EVL: variants seen among roughly 807,000 people sequenced by gnomAD.
The protein encoded by EVL is ena/VASP-like protein.
In EVL, 21 loss-of-function variants were observed where a neutral mutation model predicts 59.6. The observed-to-expected ratio is 0.35, with a 90% confidence interval of 0.25 to 0.51. EVL has a LOEUF of 0.51. Ranked by LOEUF, EVL falls within the 20% of genes least tolerant of loss-of-function variation. The pLI is 0.97. For synonymous variants in EVL, 198 were observed against 203.5 expected, an observed-to-expected ratio of 0.97 and a Z score of 0.23; for missense variants, 462 against 546.6, an observed-to-expected ratio of 0.85 and a Z score of 1.54.
At chr14:100,009,759 T>C (rs573838524) in intron 1 of EVL, among the ~76,000 whole-genome samples, 1 of 152,320 alleles carries the variant, frequency 6.6e-6, no homozygotes, top group Admixed American at 6.5e-5. Flanking sequence ...ACGGTACAGC[T>C]TAGTTTTATA....
intron 1 of EVL, among the ~76,000 whole-genome samples, chr14:100,034,741 A>T (rs1463449805): frequency 6.8e-6 from 1 of 146,020 alleles, no homozygotes; most frequent in Non-Finnish European, 1.5e-5. Context: ...CCAACTCTTT[A>T]AAAAAAAAAT....
At chr14:100,140,999 C>G in intron 11 of EVL, 181 bp from the exon 12 acceptor site, 1 of 566,148 alleles carries the variant, frequency 1.8e-6, no homozygotes, top group Non-Finnish European at 3.1e-6. Flanking sequence ...ATGGAGACCT[C>G]TTGAGGTGGA....
chr14:100,070,178 G>T (rs2062020429), intron 1 of EVL, among the ~76,000 whole-genome samples: 1 of 152,160 alleles, frequency 6.6e-6, no homozygotes, highest in Non-Finnish European at 1.5e-5. Context: ...TGAGGTGGGA[G>T]GATTGCTTGA....
intron 11 of EVL, 111 bp from the exon 12 acceptor site, chr14:100,141,069 T>A: frequency 9.9e-7 from 1 of 1,012,066 alleles, no homozygotes; most frequent in East Asian, 2.7e-5. Flanking sequence ...GCAAGCAGCC[T>A]CTATGGAGCG....
At chr14:100,079,786 G>A (rs2062252389) in intron 1 of EVL, among the ~76,000 whole-genome samples, 1 of 152,164 alleles carries the variant, frequency 6.6e-6, no homozygotes, top group African/African-American at 2.4e-5. Flanking sequence ...CAGGGAGTGG[G>A]GGAGCAAGAG....
chr14:100,074,335 C>T (rs1214750073), intron 1 of EVL, among the ~76,000 whole-genome samples: 1 of 152,202 alleles, frequency 6.6e-6, no homozygotes, highest in African/African-American at 2.4e-5. Flanking sequence ...AGTCTTGCCT[C>T]ATATGGATTT....
intron 1 of EVL, among the ~76,000 whole-genome samples, chr14:99,998,617 A>G (rs1473444320): frequency 6.6e-6 from 1 of 152,232 alleles, no homozygotes; most frequent in African/African-American, 2.4e-5. Context: ...TAAAGAATAA[A>G]TCATCTGACA....
chr14:100,074,720 T>A (rs190173256), intron 1 of EVL: 16 of 152,622 alleles, frequency 1.0e-4, no homozygotes, highest in African/African-American at 3.8e-4. Flanking sequence ...ACTCTCTCTC[T>A]GTCTGCCCCT....
At chr14:100,090,570 G>A (rs2062543565) in intron 2 of EVL, among the ~76,000 whole-genome samples, 1 of 152,110 alleles carries the variant, frequency 6.6e-6, no homozygotes. Context: ...AACGATTAAT[G>A]ACTTGAATCT....
chr14:99,972,784 C>CT lies in EVL; in HGVS notation c.5+733dup, dbSNP rs936047691. ...CCTTCCTCTCCAGATCCTGTCGTGACTTTTTTGGGGTAATCACTTTTTTTT... is the reference window on the plus strand; with the variant it reads ...CCTTCCTCTCCAGATCCTGTCGTGACTTTTTTTGGGGTAATCACTTTTTTTT... On this transcript the variant is annotated intron_variant, in intron 1 of 13. Transcript: ENST00000402714. The surrounding 1 kb of genome is among the most constrained non-coding windows in gnomAD (Gnocchi z 4.4). 6.6e-6 allele frequency among the ~76,000 whole-genome samples: 1 copy of CT among 151,714 alleles called. No homozygotes were observed. The highest frequency in any genetic ancestry group is 2.4e-5 in the African/African-American group (1 of 41,258).
chr14:100,028,143 T>TTTG (rs2061250066), intron 1 of EVL, among the ~76,000 whole-genome samples: 1 of 150,888 alleles, frequency 6.6e-6, no homozygotes, highest in East Asian at 1.9e-4. Flanking sequence ...TGTTTTTTTT[T>TTTG]TTTTTTTTGA....
intron 1 of EVL, among the ~76,000 whole-genome samples, chr14:99,992,144 C>T (rs1324221430): frequency 1.3e-5 from 2 of 152,090 alleles, no homozygotes; most frequent in Admixed American, 1.3e-4. Flanking sequence ...ATAATGCTAT[C>T]CTAATGGGTG....
At chr14:100,126,562 G>A in intron 4 of EVL, 145 bp from the exon 5 acceptor site, 1 of 765,644 alleles carries the variant, frequency 1.3e-6, no homozygotes. Flanking sequence ...CTGTTAAGTG[G>A]AGGCAGCCGT....
intron 1 of EVL, among the ~76,000 whole-genome samples, chr14:99,997,650 A>G (rs1335610232): frequency 3.3e-5 from 5 of 152,218 alleles, no homozygotes; most frequent in Non-Finnish European, 7.3e-5. Flanking sequence ...TGTACATCCA[A>G]AATTAGGGCA....
intron 1 of EVL, among the ~76,000 whole-genome samples, chr14:99,993,057 CT>C (rs544024215): frequency 1.2e-3 from 153 of 129,654 alleles, no homozygotes; most frequent in Middle Eastern, 0.012. Flanking sequence ...GCGTATAATC[CT>C]TTTTTTTTTT....
At chr14:100,031,183 T>G (rs2061309470) in intron 1 of EVL, among the ~76,000 whole-genome samples, 1 of 152,170 alleles carries the variant, frequency 6.6e-6, no homozygotes, top group Non-Finnish European at 1.5e-5. Flanking sequence ...CATTGCAATC[T>G]AAAGACAGGT....
rs779428562 is a variant in EVL at position 100,084,710 on chromosome 14, G to A, written c.35G>A (p.Arg12Gln). ...ATSEQSICQA[R>Q]ASVMVYDDTS... Reference sequence around the variant, plus strand: ...AGTGAACAGAGTATCTGCCAAGCCCGGGCTTCCGTGATGGTCTACGATGAC... The same window carrying A: ...AGTGAACAGAGTATCTGCCAAGCCCAGGCTTCCGTGATGGTCTACGATGAC... The change falls in exon 2 of 14, where the codon CGG becomes CAG. Residue 12 changes from arginine to glutamine, a missense_variant. Coordinates refer to ENST00000392920, the MANE Select transcript of EVL (RefSeq NM_016337.3). 2.5e-6 allele frequency: 4 copies of A among 1,613,964 alleles called. No individual in the cohort carries two copies. Among genetic ancestry groups the A allele is most frequent in the Non-Finnish European group, 2.5e-6 (3 of 1,180,014 alleles).
chr14:100,137,755 A>AAAGAGCCCCGAAGCT lies in EVL; in HGVS notation c.1057_1071dup (p.Glu353_Pro357dup). ...ATTGCCGTAGAACCCCGTCTGTGGCAAAGAGCCCCGAAGCTAAGAGCCCCC... is the reference window on the plus strand; with the variant it reads ...ATTGCCGTAGAACCCCGTCTGTGGCAAAGAGCCCCGAAGCTAAGAGCCCCGAAGCTAAGAGCCCCC... On this transcript the variant is annotated inframe_insertion, in exon 11 of 14. Coordinates refer to ENST00000392920, the MANE Select transcript of EVL (RefSeq NM_016337.3). 6.2e-7 allele frequency: 1 copy of AAAGAGCCCCGAAGCT among 1,614,086 alleles called. No homozygotes were observed. Among genetic ancestry groups the AAAGAGCCCCGAAGCT allele is most frequent in the Non-Finnish European group, 8.5e-7 (1 of 1,180,012 alleles).
intron 4 of EVL, among the ~76,000 whole-genome samples, chr14:100,125,598 C>T (rs527524143): frequency 1.4e-4 from 22 of 151,854 alleles, no homozygotes; most frequent in African/African-American, 5.1e-4. Flanking sequence ...CTCTGTCACC[C>T]GGGCTGGAGT....
Sources: gnomAD v4.1 joint callset for allele counts (sites outside exome capture counted in the v4.1 genomes callset) on GRCh38, gnomAD v4.1.1 for gene constraint, Gnocchi (gnomAD v3.1) non-coding constraint, MANE v1.5 for transcripts, NCBI Gene and HGNC (gene_info 2026-07-23, HGNC 2026-07-21) for gene names.